The following ST6GALNAC3 variants were observed in gnomAD, a reference collection of about 807,000 sequenced individuals.
ST6GALNAC3 encodes ST6 N-acetylgalactosaminide alpha-2,6-sialyltransferase 3, also known as alpha-N-acetylgalactosaminide alpha-2,6-sialyltransferase 3.
In ST6GALNAC3, 25 loss-of-function variants were observed where a neutral mutation model predicts 32.7. The ratio of observed to expected loss-of-function variants is 0.76; its 90% CI spans 0.56 to 1.07. The LOEUF (loss-of-function observed/expected upper bound fraction) is 1.07, where lower values mean the gene tolerates loss of function less well. Among genes scored for constraint, ST6GALNAC3 ranks in the 50% least tolerant of loss-of-function variants. ST6GALNAC3 has a pLI of 0.00. For synonymous variants in ST6GALNAC3, 129 were observed against 133.1 expected (o/e 0.97, Z 0.21); for missense variants, 355 against 382.4 (o/e 0.93, Z 0.60).
intron 2 of ST6GALNAC3, among the ~76,000 whole-genome samples, chr1:76,373,881 A>G (rs528774398): frequency 7.2e-5 from 11 of 152,336 alleles, no homozygotes; most frequent in African/African-American, 2.6e-4. Flanking sequence ...AGAGACAGAA[A>G]AAGTGTTTTC....
chr1:76,122,226 G>A (rs913881073), intron 1 of ST6GALNAC3, among the ~76,000 whole-genome samples: 3 of 152,180 alleles, frequency 2.0e-5, no homozygotes, highest in African/African-American at 4.8e-5. Context: ...AGCTCAATGA[G>A]TATGTAGAGG....
intron 3 of ST6GALNAC3, among the ~76,000 whole-genome samples, chr1:76,486,614 T>A (rs993582907): frequency 6.6e-6 from 1 of 152,236 alleles, no homozygotes; most frequent in Non-Finnish European, 1.5e-5. Context: ...TGAGCCTATA[T>A]GTGTCTCTGC....
At chr1:76,195,122 A>G (rs1283119724) in intron 1 of ST6GALNAC3, among the ~76,000 whole-genome samples, 1 of 152,164 alleles carries the variant, frequency 6.6e-6, no homozygotes, top group Non-Finnish European at 1.5e-5. Flanking sequence ...AGTTTTACAA[A>G]ATCCGAATTT....
intron 1 of ST6GALNAC3, among the ~76,000 whole-genome samples, chr1:76,236,544 C>G (rs1656671663): frequency 6.6e-6 from 1 of 152,138 alleles, no homozygotes; most frequent in African/African-American, 2.4e-5. Flanking sequence ...ACTTCTAATC[C>G]TCGTAGAAAC....
intron 1 of ST6GALNAC3, among the ~76,000 whole-genome samples, chr1:76,208,019 C>G (rs1654917552): frequency 6.8e-6 from 1 of 148,064 alleles, no homozygotes; most frequent in Non-Finnish European, 1.5e-5. Context: ...TTAGCCATCT[C>G]TGGCTGTTCC....
chr1:76,214,037 A>G (rs74689322), intron 1 of ST6GALNAC3, among the ~76,000 whole-genome samples: 263 of 152,350 alleles, frequency 1.7e-3, no homozygotes, highest in African/African-American at 5.9e-3. Context: ...AGCAAAGGCT[A>G]TAAGGAATGA....
At chr1:76,112,068 C>T (rs540154339) in intron 1 of ST6GALNAC3, among the ~76,000 whole-genome samples, 78 of 145,868 alleles carry the variant, frequency 5.3e-4, no homozygotes, top group African/African-American at 1.8e-3. Context: ...GGGCTGGGGG[C>T]TGACCCCCCC....
intron 3 of ST6GALNAC3, among the ~76,000 whole-genome samples, chr1:76,440,903 C>A (rs1310101400): frequency 6.6e-6 from 1 of 151,974 alleles, no homozygotes; most frequent in Non-Finnish European, 1.5e-5. Context: ...GCCTGGCCAA[C>A]ATGGCAAAAC....
At chr1:76,345,562 A>G (rs1212152041) in intron 2 of ST6GALNAC3, among the ~76,000 whole-genome samples, 5 of 152,150 alleles carry the variant, frequency 3.3e-5, no homozygotes, top group Non-Finnish European at 7.4e-5. Context: ...TTGAAATAGT[A>G]TTTCTAATGA....
chr1:76,594,107 G>A (rs903000150), intron 3 of ST6GALNAC3, among the ~76,000 whole-genome samples: 3 of 152,118 alleles, frequency 2.0e-5, no homozygotes, highest in African/African-American at 7.2e-5. Flanking sequence ...AACTTTCAGT[G>A]ACTGCTGAAA....
chr1:76,269,085 C>T (rs568237178), intron 1 of ST6GALNAC3, among the ~76,000 whole-genome samples: 5 of 152,286 alleles, frequency 3.3e-5, no homozygotes, highest in South Asian at 2.1e-4. Context: ...CTCTAAACTC[C>T]GGTCAGTTGT....
chr1:76,566,790 T>C (rs1311603660), intron 3 of ST6GALNAC3, among the ~76,000 whole-genome samples: 1 of 152,230 alleles, frequency 6.6e-6, no homozygotes, highest in Non-Finnish European at 1.5e-5. Flanking sequence ...TTGGAAAATA[T>C]ATTACATGAG....
intron 3 of ST6GALNAC3, among the ~76,000 whole-genome samples, chr1:76,562,767 G>C (rs548596570): frequency 6.6e-6 from 1 of 152,310 alleles, no homozygotes; most frequent in South Asian, 2.1e-4. Flanking sequence ...ATCCAGATCT[G>C]CTGGAGATTA....
intron 1 of ST6GALNAC3, among the ~76,000 whole-genome samples, chr1:76,169,750 A>G (rs1380989373): frequency 6.6e-6 from 1 of 152,124 alleles, no homozygotes; most frequent in African/African-American, 2.4e-5. Flanking sequence ...CTATTCTGCT[A>G]TTAATACTTG....
chr1:76,609,451 G>T (rs1197595039), intron 3 of ST6GALNAC3, among the ~76,000 whole-genome samples: 2 of 152,074 alleles, frequency 1.3e-5, no homozygotes, highest in Non-Finnish European at 2.9e-5. Context: ...TTCTTATTTG[G>T]AGTGGATATT....
chr1:76,175,998 T>C (rs906738150), intron 1 of ST6GALNAC3, among the ~76,000 whole-genome samples: 4 of 152,132 alleles, frequency 2.6e-5, no homozygotes, highest in African/African-American at 9.7e-5. Flanking sequence ...GAGCTTTGCC[T>C]TTTTTTCTTT....
chr1:76,389,011 CCTTTT>C (rs201737933), intron 2 of ST6GALNAC3, among the ~76,000 whole-genome samples: 7,717 of 107,964 alleles, frequency 0.071, 526 homozygotes, highest in African/African-American at 0.13. Context: ...TGGTATATTT[CCTTTT>C]TTTTTTTTTT....
chr1:76,159,273 C>G (rs1651666789), intron 1 of ST6GALNAC3, among the ~76,000 whole-genome samples: 1 of 152,232 alleles, frequency 6.6e-6, no homozygotes. Context: ...ACCACAATCT[C>G]TGCCTCCCAG....
intron 1 of ST6GALNAC3, among the ~76,000 whole-genome samples, chr1:76,210,159 A>T (rs1320702447): frequency 6.6e-6 from 1 of 152,054 alleles, no homozygotes; most frequent in Non-Finnish European, 1.5e-5. Context: ...GATTTGCTGC[A>T]CCTATCAACC....
Sources: gnomAD v4.1 joint callset for allele counts (sites outside exome capture counted in the v4.1 genomes callset) on GRCh38, gnomAD v4.1.1 for gene constraint, MANE v1.5 for transcripts, NCBI Gene and HGNC (gene_info 2026-07-23, HGNC 2026-07-21) for gene names.